The following JMJD1C variants were observed in gnomAD, a reference collection of about 807,000 sequenced individuals.
JMJD1C encodes the protein jumonji domain containing 1C.
In JMJD1C, 31 loss-of-function variants were observed where a neutral mutation model predicts 245.3. The observed-to-expected ratio is 0.13, with a 90% CI of 0.09 to 0.17. The LOEUF is 0.17. Ranked by LOEUF, JMJD1C falls within the 10% of genes least tolerant of loss-of-function variation. The probability of loss-of-function intolerance (pLI) is 1.00; values close to 1 mark genes in which losing one functional copy is unlikely to be tolerated. For synonymous variants in JMJD1C, 1,057 were observed against 1,017.4 expected (o/e 1.04, Z -0.74); for missense variants, 2,691 against 3,000.2 (o/e 0.90, Z 2.41).
chr10:63,521,529 C>A (rs1955241846), intron 1 of JMJD1C: 3 of 1,416,686 alleles, frequency 2.1e-6, no homozygotes, highest in Admixed American at 5.1e-5. Context: ...GGACGTGGGG[C>A]CCAAGCCCCC....
chr10:63,413,864 G>A (rs1387776354), intron 1 of JMJD1C, among the ~76,000 whole-genome samples: 1 of 151,868 alleles, frequency 6.6e-6, no homozygotes, highest in African/African-American at 2.4e-5. Flanking sequence ...AAAGATAAAA[G>A]GTTCCTTGAT....
At chr10:63,422,439 T>C (rs1950178542) in intron 1 of JMJD1C, among the ~76,000 whole-genome samples, 1 of 152,154 alleles carries the variant, frequency 6.6e-6, no homozygotes, top group Non-Finnish European at 1.5e-5. Context: ...CACTTGCCAT[T>C]TGCTCATGTT....
At chr10:63,203,301 G>A in intron 10 of JMJD1C, 1 of 982,002 alleles carries the variant, frequency 1.0e-6, no homozygotes, top group Non-Finnish European at 1.2e-6. Context: ...CTAGAAGTTT[G>A]AGATTAAGAC....
chr10:63,433,138 C>A (rs1950864510), intron 1 of JMJD1C, among the ~76,000 whole-genome samples: 1 of 151,546 alleles, frequency 6.6e-6, no homozygotes, highest in Admixed American at 6.6e-5. Flanking sequence ...GTTGCCCAGG[C>A]TGGAGTGCAA....
intron 1 of JMJD1C, among the ~76,000 whole-genome samples, chr10:63,475,013 G>A (rs1445348166): frequency 6.6e-6 from 1 of 151,510 alleles, no homozygotes; most frequent in Non-Finnish European, 1.5e-5. Flanking sequence ...TGAAGGTGCT[G>A]GAAATGCCCT....
In JMJD1C at chr10:63,180,855, G is replaced by A. The variant is rs1482721234; in HGVS notation, c.7084+2592C>T. Among the ~76,000 whole-genome samples the A allele has an allele frequency of 3.3e-5, 5 of 149,766 alleles. No individual in the cohort carries two copies. In the South Asian group the frequency reaches 6.3e-4, roughly 19 times the overall value. The stretch of plus-strand genomic sequence containing the variant: ...GGGATCTCGGCTCACTGCAAGCTCC[G>A]CCTCCCGGGTTCACGCCATTCTCCT... On this transcript the variant is annotated intron_variant, in intron 22 of 25. Transcript: ENST00000399262.
intron 3 of JMJD1C, among the ~76,000 whole-genome samples, chr10:63,244,739 C>G (rs1472022269): frequency 6.9e-6 from 1 of 145,952 alleles, no homozygotes; most frequent in East Asian, 2.1e-4. Context: ...GAGACTGAGG[C>G]TGCAGTGAGC....
intron 2 of JMJD1C, among the ~76,000 whole-genome samples, chr10:63,372,671 TCTGAGATG>T (rs1946405555): frequency 1.3e-5 from 2 of 152,190 alleles, no homozygotes; most frequent in Non-Finnish European, 2.9e-5. Flanking sequence ...GAATTTACTT[TCTGAGATG>T]GGTAAAGCAC....
chr10:63,272,044 G>A (rs1250281109), intron 2 of JMJD1C, among the ~76,000 whole-genome samples: 7 of 149,508 alleles, frequency 4.7e-5, no homozygotes, highest in East Asian at 4.0e-4. Flanking sequence ...CTGCACTCTG[G>A]CCTGGGAGAC....
chr10:63,231,786 T>C (rs941808270), intron 3 of JMJD1C, among the ~76,000 whole-genome samples: 4 of 152,142 alleles, frequency 2.6e-5, no homozygotes, highest in Non-Finnish European at 5.9e-5. Flanking sequence ...AGAGCGAGAC[T>C]CCGTCTAAAA....
In JMJD1C at chr10:63,311,775, T is replaced by A. The variant is rs147765526; in HGVS notation, c.334-47011A>T. Among the ~76,000 whole-genome samples, 761 of 152,260 alleles carry A rather than the reference T, an allele frequency of 5.0e-3. 6 individuals carry two copies. The highest frequency in any genetic ancestry group is 0.017 in the African/African-American group (713 of 41,564). The stretch of plus-strand genomic sequence containing the variant: ...AACAACAAATTTAGACAGTGATTAC[T>A]GATGGAGAAAGAGGAGAGCTGGATT... On this transcript the variant is annotated intron_variant, in intron 2 of 25. Coordinates refer to ENST00000399262, the MANE Select transcript of JMJD1C (RefSeq NM_032776.3).
In JMJD1C at chr10:63,215,093, A is replaced by G. The variant is rs1361787535; in HGVS notation, c.1074T>C (p.Asp358=). ...LMNKRRKPEE[D]EKKLNMKRLR... is the part of the protein sequence containing the mutation. ...GTCTTTTCATATTTAGTTTCTTTTC[A>G]TCCTCCTCAGGTTTCCTTCTTTTAT... Residue 358 remains aspartate (D), a synonymous_variant, in exon 8 of 26, where the codon GAT becomes GAC. Coordinates refer to ENST00000399262, the MANE Select transcript of JMJD1C (RefSeq NM_032776.3). 2 of 1,592,782 alleles carry G rather than the reference A, an allele frequency of 1.3e-6. No homozygotes were observed. Among genetic ancestry groups the G allele is most frequent in the Admixed American group, 1.8e-5 (1 of 55,040 alleles).
intron 1 of JMJD1C, among the ~76,000 whole-genome samples, chr10:63,411,483 G>A (rs1370731201): frequency 1.3e-5 from 2 of 151,744 alleles, no homozygotes; most frequent in Non-Finnish European, 2.9e-5. Flanking sequence ...ACTTTTAGTA[G>A]AAACGAGTTT....
chr10:63,174,572 G>A (rs1164645949), intron 24 of JMJD1C, among the ~76,000 whole-genome samples: 3 of 152,148 alleles, frequency 2.0e-5, no homozygotes, highest in Non-Finnish European at 4.4e-5. Flanking sequence ...GGTGGCTCAT[G>A]CCTGTAATCC....
intron 1 of JMJD1C, among the ~76,000 whole-genome samples, chr10:63,402,144 A>AAC (rs34309561): frequency 0.41 from 60,263 of 146,030 alleles, 13,114 homozygotes; most frequent in South Asian, 0.53. Context: ...AAAAAAAAAG[A>AAC]AAAAAAAACA....
At chr10:63,507,603 C>T (rs1954758084) in intron 1 of JMJD1C, among the ~76,000 whole-genome samples, 2 of 140,588 alleles carry the variant, frequency 1.4e-5, no homozygotes, top group Non-Finnish European at 3.0e-5. Context: ...TGAGATTGCA[C>T]CACTGCACTC....
At chr10:63,401,397 C>CAAA (rs1948846015) in intron 1 of JMJD1C, among the ~76,000 whole-genome samples, 1 of 152,026 alleles carries the variant, frequency 6.6e-6, no homozygotes, top group African/African-American at 2.4e-5. Context: ...ATTTGGGTTT[C>CAAA]TTTTTAGATA....
intron 3 of JMJD1C, among the ~76,000 whole-genome samples, chr10:63,254,345 C>T (rs79489042): frequency 0.037 from 5,689 of 151,938 alleles, 334 homozygotes; most frequent in East Asian, 0.29. Context: ...TGCCAGTGTA[C>T]GCAAAATCTA....
chr10:63,199,244 T>C (rs559261865), intron 11 of JMJD1C, among the ~76,000 whole-genome samples: 140 of 152,166 alleles, frequency 9.2e-4, no homozygotes, highest in Non-Finnish European at 1.7e-3. Context: ...ACCCCATTAA[T>C]GTGCTTACTT....
Sources: allele counts gnomAD v4.1 joint callset (sites outside exome capture counted in the v4.1 genomes callset), GRCh38; gene constraint gnomAD v4.1.1; transcripts MANE v1.5; gene names NCBI Gene and HGNC (gene_info 2026-07-23, HGNC 2026-07-21).